The following ITGA1 variants were observed in gnomAD, a reference collection of about 807,000 sequenced individuals.
ITGA1 encodes the protein integrin subunit alpha 1.
Under a neutral mutation model 145.9 loss-of-function variants are expected in ITGA1, and 85 were observed. The observed-to-expected ratio is 0.58, with a 90% CI of 0.49 to 0.70. The LOEUF (loss-of-function observed/expected upper bound fraction) is 0.70. Ranked by LOEUF, ITGA1 falls within the 30% of genes least tolerant of loss-of-function variation. ITGA1 has a pLI of 0.00. For synonymous variants in ITGA1, 520 were observed against 495.3 expected (o/e 1.05, Z -0.66); for missense variants, 1,351 against 1,418.7 (o/e 0.95, Z 0.77).
chr5:52,830,965 C>T (rs1749052127), intron 1 of ITGA1, among the ~76,000 whole-genome samples: 1 of 152,204 alleles, frequency 6.6e-6, no homozygotes, highest in Non-Finnish European at 1.5e-5. Flanking sequence ...AACTTTAAAT[C>T]TGACCTAGCC....
At chr5:52,808,087 G>A (rs912651052) in intron 1 of ITGA1, among the ~76,000 whole-genome samples, 1 of 152,168 alleles carries the variant, frequency 6.6e-6, no homozygotes, top group Non-Finnish European at 1.5e-5. Flanking sequence ...AAGAAAAAAA[G>A]CCTAGAGTAT....
rs555349879 is a variant in ITGA1, at chr5:52,833,813, AG to A, written c.62-15550del. On this transcript the variant is annotated intron_variant, in intron 1 of 28. Transcript: ENST00000282588. ...ACTATGATGTGGCCATTTAAAGGGGAGGTATATTAACTTTGTGGAATTGTGC... is the reference window on the plus strand; with the variant it reads ...ACTATGATGTGGCCATTTAAAGGGGAGTATATTAACTTTGTGGAATTGTGC... Among the ~76,000 whole-genome samples, 319 of 152,248 alleles carry A rather than the reference AG, an allele frequency of 2.1e-3. 1 individual carries two copies. Among genetic ancestry groups the A allele is most frequent in the African/African-American group, 7.4e-3 (306 of 41,552 alleles).
chr5:52,922,197 AG>A (rs5867847), intron 17 of ITGA1, among the ~76,000 whole-genome samples: 69,247 of 151,634 alleles, frequency 0.46, 16,649 homozygotes, highest in Non-Finnish European at 0.53. Flanking sequence ...GCTAGTCGGG[AG>A]GCTGAGGCAG....
At chr5:52,879,167 G>C (rs58146670) in intron 6 of ITGA1, among the ~76,000 whole-genome samples, 4,447 of 152,052 alleles carry the variant, frequency 0.029, 214 homozygotes, top group African/African-American at 0.1. Flanking sequence ...TGATGCTGGG[G>C]AGGTCAAAGA....
chr5:52,868,732 G>T (rs1216485781), intron 6 of ITGA1, among the ~76,000 whole-genome samples: 2 of 152,166 alleles, frequency 1.3e-5, no homozygotes, highest in African/African-American at 2.4e-5. Flanking sequence ...CCACAGAGAA[G>T]AATATTTCTG....
At chr5:52,805,151 G>C (rs942549549) in intron 1 of ITGA1, among the ~76,000 whole-genome samples, 4 of 152,080 alleles carry the variant, frequency 2.6e-5, no homozygotes, top group African/African-American at 9.7e-5. Context: ...TACCTAAAAG[G>C]GGAAGAAGAA....
chr5:52,912,189 T>C (rs1283866325), intron 14 of ITGA1, among the ~76,000 whole-genome samples: 2 of 144,156 alleles, frequency 1.4e-5, no homozygotes, highest in African/African-American at 2.5e-5. Context: ...AGATACGCTA[T>C]ATATAGTGTA....
At chr5:52,903,564 C>T (rs894801188) in intron 11 of ITGA1, 1 of 152,124 alleles carries the variant, frequency 6.6e-6, no homozygotes, top group East Asian at 1.9e-4. Context: ...AATAAACATA[C>T]TGTATAAAAA....
intron 18 of ITGA1, among the ~76,000 whole-genome samples, chr5:52,923,613 T>G (rs1750762607): frequency 6.6e-6 from 1 of 152,178 alleles, no homozygotes; most frequent in South Asian, 2.1e-4. Context: ...CCTAAATCAA[T>G]TTAAAATGTT....
At chr5:52,940,115 T>G (rs1006799496) in intron 26 of ITGA1, among the ~76,000 whole-genome samples, 171 bp downstream of exon 26, 3 of 152,198 alleles carry the variant, frequency 2.0e-5, no homozygotes, top group African/African-American at 7.2e-5. Context: ...TGTCTCATCT[T>G]CCTTGTCTGT....
intron 1 of ITGA1, chr5:52,803,978 C>T (rs1748541635): frequency 6.6e-6 from 1 of 152,014 alleles, no homozygotes; most frequent in East Asian, 1.9e-4. Flanking sequence ...TCTATAAAAC[C>T]TCTATAAATT....
At chr5:52,901,032 G>T (rs149547414) in intron 11 of ITGA1, among the ~76,000 whole-genome samples, 1 of 152,118 alleles carries the variant, frequency 6.6e-6, no homozygotes, top group South Asian at 2.1e-4. Context: ...TGGCAAAAGG[G>T]ACTTTTCAGA....
intron 14 of ITGA1, 100 bp from the exon 15 acceptor site, chr5:52,915,364 A>C: frequency 7.5e-7 from 1 of 1,336,448 alleles, no homozygotes. Flanking sequence ...AAATTAACAA[A>C]ACTGATTATT....
At chr5:52,801,636 C>A (rs1372370497) in intron 1 of ITGA1, 2 of 1,613,890 alleles carry the variant, frequency 1.2e-6, no homozygotes, top group Non-Finnish European at 1.7e-6. Context: ...ATGAGCTCTT[C>A]AGGCATCAGG....
At chr5:52,859,128 T>C (rs1240330205) in intron 2 of ITGA1, among the ~76,000 whole-genome samples, 2 of 152,172 alleles carry the variant, frequency 1.3e-5, no homozygotes, top group Non-Finnish European at 2.9e-5. Flanking sequence ...TTATCAGTGG[T>C]AGTATAATGA....
intron 11 of ITGA1, 78 bp downstream of exon 11, chr5:52,898,461 T>A (rs1750265610): frequency 3.1e-6 from 4 of 1,277,014 alleles, no homozygotes; most frequent in Non-Finnish European, 4.3e-6. Flanking sequence ...CTTATGTTTC[T>A]ATAGGCTTGC....
At chr5:52,820,591 C>T (rs1198237805) in intron 1 of ITGA1, among the ~76,000 whole-genome samples, 7 of 151,358 alleles carry the variant, frequency 4.6e-5, no homozygotes. Flanking sequence ...GGAGGTAATA[C>T]ATTGTTAGTT....
chr5:52,910,454 G>C, intron 14 of ITGA1, 35 bp downstream of exon 14: 1 of 1,593,322 alleles, frequency 6.3e-7, no homozygotes, highest in Non-Finnish European at 8.6e-7. Context: ...CCACCCTTCA[G>C]TGATAAGTCG....
At chr5:52,862,356 T>C (rs1749620964) in intron 3 of ITGA1, among the ~76,000 whole-genome samples, 1 of 152,180 alleles carries the variant, frequency 6.6e-6, no homozygotes, top group Non-Finnish European at 1.5e-5. Flanking sequence ...ATTTTTCATA[T>C]AATCATTTAT....
Sources: gnomAD v4.1 joint callset for allele counts (sites outside exome capture counted in the v4.1 genomes callset) on GRCh38, gnomAD v4.1.1 for gene constraint, MANE v1.5 for transcripts, NCBI Gene and HGNC (gene_info 2026-07-23, HGNC 2026-07-21) for gene names.